The following ARHGAP42 variants were observed in gnomAD, a reference collection of about 807,000 sequenced individuals.
The protein encoded by ARHGAP42 is rho GTPase-activating protein 42.
In ARHGAP42, 63 loss-of-function variants were observed where a neutral mutation model predicts 125.0. That is an observed-to-expected ratio of 0.50 (90% CI 0.41 to 0.62). The LOEUF (loss-of-function observed/expected upper bound fraction) is 0.62. Ranked by LOEUF, ARHGAP42 falls within the 20% of genes least tolerant of loss-of-function variation. The pLI, the probability that ARHGAP42 is intolerant of heterozygous loss-of-function variation, is 0.00. For missense variants in ARHGAP42, 766 were observed against 1,024.2 expected, an observed-to-expected ratio of 0.75 and a Z score of 3.44; for synonymous variants, 339 against 351.0, an observed-to-expected ratio of 0.97 and a Z score of 0.38.
intron 2 of ARHGAP42, 21 bp downstream of exon 2, chr11:100,770,459 A>AAT: frequency 1.4e-6 from 2 of 1,459,452 alleles, no homozygotes; most frequent in Non-Finnish European, 1.9e-6. Context: ...CTGTTTTAGA[A>AAT]AGTTCTATTA....
intron 3 of ARHGAP42, among the ~76,000 whole-genome samples, chr11:100,830,897 C>G (rs1327719134): frequency 2.0e-5 from 3 of 151,786 alleles, no homozygotes; most frequent in Non-Finnish European, 2.9e-5. Context: ...AGGCAGAGGG[C>G]AACATTTTTC....
intron 1 of ARHGAP42, among the ~76,000 whole-genome samples, chr11:100,755,405 A>G (rs1297218977): frequency 1.3e-5 from 2 of 152,242 alleles, no homozygotes; most frequent in Non-Finnish European, 2.9e-5. Context: ...GAGCATATGG[A>G]AAAAGCAGTA....
chr11:100,941,078 C>T (rs988488624), intron 8 of ARHGAP42, among the ~76,000 whole-genome samples: 5 of 152,028 alleles, frequency 3.3e-5, no homozygotes, highest in Admixed American at 3.3e-4. Flanking sequence ...TAGGAAAAGG[C>T]CTGAAGGGAG....
chr11:100,915,288 T>A (rs1253861445), intron 5 of ARHGAP42, among the ~76,000 whole-genome samples: 1 of 152,292 alleles, frequency 6.6e-6, no homozygotes, highest in Non-Finnish European at 1.5e-5. Flanking sequence ...TCTTAATACA[T>A]TGCACTAGAA....
intron 3 of ARHGAP42, among the ~76,000 whole-genome samples, chr11:100,824,123 G>A (rs1202828738): frequency 6.6e-6 from 1 of 152,150 alleles, no homozygotes; most frequent in Admixed American, 6.6e-5. Context: ...ATATCTGAAT[G>A]CACTTGCATA....
chr11:100,721,961 T>G (rs1861766021), intron 1 of ARHGAP42, among the ~76,000 whole-genome samples: 1 of 152,220 alleles, frequency 6.6e-6, no homozygotes, highest in African/African-American at 2.4e-5. Context: ...TGGTTAGTAC[T>G]GAGGAGTATG....
intron 6 of ARHGAP42, among the ~76,000 whole-genome samples, 152 bp downstream of exon 6, chr11:100,921,756 G>A (rs1453816345): frequency 7.2e-5 from 11 of 152,106 alleles, no homozygotes; most frequent in African/African-American, 2.7e-4. Context: ...GGAGCACAGG[G>A]AACTTGTAGG....
chr11:100,811,696 C>T (rs1486755412), intron 3 of ARHGAP42, among the ~76,000 whole-genome samples: 1 of 151,818 alleles, frequency 6.6e-6, no homozygotes, highest in Non-Finnish European at 1.5e-5. Context: ...GATGGGGTTT[C>T]ATCATGTTAG....
At chr11:100,693,780 C>T (rs981718202) in intron 1 of ARHGAP42, among the ~76,000 whole-genome samples, 3 of 152,280 alleles carry the variant, frequency 2.0e-5, no homozygotes, top group Admixed American at 1.3e-4. Flanking sequence ...GTAACCACTA[C>T]ACTTTAAGTC....
At chr11:100,941,009 T>G (rs969658232) in intron 8 of ARHGAP42, among the ~76,000 whole-genome samples, 1 of 151,934 alleles carries the variant, frequency 6.6e-6, no homozygotes, top group African/African-American at 2.4e-5. Flanking sequence ...AGTATTAAGG[T>G]GAGGGTGTTT....
chr11:100,744,522 T>A (rs977707396), intron 1 of ARHGAP42, among the ~76,000 whole-genome samples: 25 of 150,102 alleles, frequency 1.7e-4, no homozygotes, highest in African/African-American at 6.2e-4. Context: ...TTCTTGAATT[T>A]GTTTTATATT....
intron 1 of ARHGAP42, among the ~76,000 whole-genome samples, chr11:100,758,575 G>C (rs1185920163): frequency 2.0e-5 from 3 of 152,136 alleles, no homozygotes; most frequent in African/African-American, 7.2e-5. Flanking sequence ...TTTAGGTCCA[G>C]AGAAATAGGC....
At chr11:100,933,728 C>T (rs897318620) in intron 7 of ARHGAP42, among the ~76,000 whole-genome samples, 1 of 151,692 alleles carries the variant, frequency 6.6e-6, no homozygotes, top group Non-Finnish European at 1.5e-5. Flanking sequence ...TTTTATTTGT[C>T]AATTATACCT....
rs1387036831 is a variant in ARHGAP42, at chr11:100,976,350, A to G, written c.2149A>G (p.Ile717Val). The change falls in exon 20 of 24, where the codon ATA becomes GTA. Residue 717 changes from isoleucine to valine, a missense_variant. Around this residue, in one of 3 missense-constraint regions of ARHGAP42, gnomAD observed 308 missense variants for 369.7 expected, o/e 0.83. Coordinates refer to ENST00000298815, the MANE Select transcript of ARHGAP42 (RefSeq NM_152432.4). ...VTSPGDVSPP[I>V]DLVKKEPYGL... Reference sequence around the variant, plus strand: ...TAGCCCAGGAGACGTTTCCCCACCCATAGACCTAGTCAAGAAAGAGCCTTA... The same window carrying G: ...TAGCCCAGGAGACGTTTCCCCACCCGTAGACCTAGTCAAGAAAGAGCCTTA... 25 of 1,551,464 alleles carry G rather than the reference A, an allele frequency of 1.6e-5. No individual in the cohort carries two copies. Among genetic ancestry groups the G allele is most frequent in the Non-Finnish European group, 2.1e-5 (24 of 1,146,740 alleles).
chr11:100,706,092 G>C (rs1355356240), intron 1 of ARHGAP42, among the ~76,000 whole-genome samples: 1 of 149,218 alleles, frequency 6.7e-6, no homozygotes, highest in African/African-American at 2.5e-5. Flanking sequence ...CAATTCTCCT[G>C]CCTCAGCCTC....
At chr11:100,796,768 CTTTTTTTT>C (rs35175302) in intron 3 of ARHGAP42, among the ~76,000 whole-genome samples, 1 of 119,012 alleles carries the variant, frequency 8.4e-6, no homozygotes, top group Non-Finnish European at 1.7e-5. Flanking sequence ...CTTTTTAATT[CTTTTTTTT>C]TTTTTTTTTT....
At chr11:100,881,410 G>T (rs73571624) in intron 4 of ARHGAP42, among the ~76,000 whole-genome samples, 1 of 152,000 alleles carries the variant, frequency 6.6e-6, no homozygotes, top group Non-Finnish European at 1.5e-5. Context: ...TTATTTCTGG[G>T]TTCCCTATTC....
chr11:100,817,108 G>C (rs10895017), intron 3 of ARHGAP42, among the ~76,000 whole-genome samples: 30,013 of 152,174 alleles, frequency 0.2, 3,254 homozygotes, highest in African/African-American at 0.29. Flanking sequence ...TCAGAGGACA[G>C]GGGGTTTCTC....
chr11:100,893,093 C>T (rs932900340), intron 4 of ARHGAP42, among the ~76,000 whole-genome samples: 5 of 151,670 alleles, frequency 3.3e-5, no homozygotes, highest in African/African-American at 1.2e-4. Flanking sequence ...ACTGTCATTT[C>T]CATGGAGAGT....
Sources: gnomAD v4.1 joint callset for allele counts (sites outside exome capture counted in the v4.1 genomes callset) on GRCh38, gnomAD v4.1.1 for gene constraint, gnomAD v4.1.1 regional missense constraint, MANE v1.5 for transcripts, NCBI Gene and HGNC (gene_info 2026-07-23, HGNC 2026-07-21) for gene names.